BABAM2: variants seen among roughly 807,000 people sequenced by gnomAD.
The protein encoded by BABAM2 is BRISC and BRCA1 A complex member 2, also known as BRISC and BRCA1-A complex member 2.
Under a neutral mutation model 54.7 loss-of-function variants are expected in BABAM2, and 31 were observed. The ratio of observed to expected loss-of-function variants is 0.57; its 90% CI spans 0.43 to 0.77. The LOEUF is 0.77. Ranked by LOEUF, BABAM2 falls within the 30% of genes least tolerant of loss-of-function variation. The pLI is 0.00. For synonymous variants in BABAM2, 167 were observed against 162.9 expected (o/e 1.03, Z -0.19); for missense variants, 364 against 455.8 (o/e 0.80, Z 1.83).
chr2:28,268,579 A>C (rs559497693), intron 10 of BABAM2, among the ~76,000 whole-genome samples: 1 of 152,226 alleles, frequency 6.6e-6, no homozygotes, highest in Non-Finnish European at 1.5e-5. Context: ...GTAGTAATAA[A>C]GATAAGTCTT....
At chr2:28,149,122 G>A (rs1482418676) in intron 7 of BABAM2, among the ~76,000 whole-genome samples, 1 of 152,150 alleles carries the variant, frequency 6.6e-6, no homozygotes, top group African/African-American at 2.4e-5. Flanking sequence ...GAATGGAAAT[G>A]GTAACAGCAT....
intron 10 of BABAM2, among the ~76,000 whole-genome samples, chr2:28,273,414 G>T (rs2148169728): frequency 6.6e-6 from 1 of 152,258 alleles, no homozygotes; most frequent in African/African-American, 2.4e-5. Context: ...CTGAACTTGT[G>T]TGGTTTTAAT....
chr2:28,154,802 T>C (rs935243510), intron 7 of BABAM2, among the ~76,000 whole-genome samples: 1 of 152,200 alleles, frequency 6.6e-6, no homozygotes, highest in African/African-American at 2.4e-5. Flanking sequence ...TCAAAATGGC[T>C]CAGAAAATGT....
Position 27,929,851 on chromosome 2 carries a change from G to A in BABAM2, c.148G>A (p.Gly50Arg). The A allele has an allele frequency of 6.2e-7, 1 of 1,613,660 alleles. No homozygotes were observed. The highest frequency in any genetic ancestry group is 8.5e-7 in the Non-Finnish European group (1 of 1,179,752). The change falls in exon 3 of 12, where the codon GGG becomes AGG. Residue 50 changes from glycine to arginine, a missense_variant. Gly to Arg is a moderately radical substitution (Grantham distance 125). Coordinates refer to ENST00000379624, the MANE Select transcript of BABAM2 (RefSeq NM_199191.3). ...LKSGCTSLTPGPNCDRFKLHI... is the reference protein window; with the variant it reads ...LKSGCTSLTPRPNCDRFKLHI... ...TTAAAGCTGCACATCATTGACTCCT[G>A]GGCCCAACTGTGACCGATTTAAACT...
At chr2:28,102,154 G>C (rs1667138053) in intron 6 of BABAM2, among the ~76,000 whole-genome samples, 2 of 152,198 alleles carry the variant, frequency 1.3e-5, no homozygotes, top group Admixed American at 1.3e-4. Context: ...GTTGTTCCTA[G>C]AATAGTGCCT....
rs184919546 is a variant in BABAM2, at chr2:28,311,216, G to A, written c.1088+12725G>A. Among the ~76,000 whole-genome samples the A allele has an allele frequency of 3.5e-3, 523 of 149,810 alleles. 2 individuals are homozygous for A. The highest frequency in any genetic ancestry group is 0.012 in the African/African-American group (486 of 40,618). ...GCGGAGCTTGCAGTGAGCCGAGATC[G>A]CGCCACTGCACTCCAGCCTAGGCGA... On this transcript the variant is annotated intron_variant, in intron 11 of 11. Coordinates refer to ENST00000379624, the MANE Select transcript of BABAM2 (RefSeq NM_199191.3).
At chr2:28,308,409 A>T in intron 11 of BABAM2, 1 of 519,044 alleles carries the variant, frequency 1.9e-6, no homozygotes, top group South Asian at 1.4e-5. Flanking sequence ...CCAACCACTG[A>T]GTCAGCCATG....
intron 1 of BABAM2, among the ~76,000 whole-genome samples, chr2:27,891,902 A>T (rs1349979569): frequency 1.3e-5 from 2 of 152,156 alleles, no homozygotes; most frequent in African/African-American, 4.8e-5. Flanking sequence ...TTCTAGAGCA[A>T]GGCTGTTCCC....
chr2:28,192,395 C>A (rs61586483), intron 7 of BABAM2, among the ~76,000 whole-genome samples: 7 of 150,846 alleles, frequency 4.6e-5, no homozygotes, highest in Non-Finnish European at 7.4e-5. Flanking sequence ...TTTATACATA[C>A]GTAAAAAACC....
At chr2:28,268,278 C>G (rs1389965848) in intron 10 of BABAM2, among the ~76,000 whole-genome samples, 4 of 152,144 alleles carry the variant, frequency 2.6e-5, no homozygotes, top group African/African-American at 9.7e-5. Context: ...TGAGTCTAGC[C>G]TATCAAGACT....
At chr2:28,277,449 T>C (rs1265242198) in intron 10 of BABAM2, among the ~76,000 whole-genome samples, 1 of 152,214 alleles carries the variant, frequency 6.6e-6, no homozygotes, top group Non-Finnish European at 1.5e-5. Context: ...CCCTTGTAGT[T>C]TGCAGACACA....
chr2:28,066,871 A>G (rs1001863491), intron 6 of BABAM2, among the ~76,000 whole-genome samples: 3 of 152,210 alleles, frequency 2.0e-5, no homozygotes, highest in Non-Finnish European at 4.4e-5. Flanking sequence ...CATACTTAAG[A>G]TAAAGGGAAT....
intron 7 of BABAM2, among the ~76,000 whole-genome samples, chr2:28,175,591 G>A (rs923315524): frequency 1.3e-5 from 2 of 152,206 alleles, no homozygotes; most frequent in Admixed American, 6.5e-5. Flanking sequence ...CTGGGGATTG[G>A]ACCACCCAGC....
In BABAM2 at chr2:28,099,053, C is replaced by CA. The variant is rs995907727; in HGVS notation, c.571-30217dup. Reference sequence around the variant, plus strand: ...CTCAGAAACCCACATAAGCCTTTCTCATAGGAAGATAATACACTGATCTTA... The same window carrying CA: ...CTCAGAAACCCACATAAGCCTTTCTCAATAGGAAGATAATACACTGATCTTA... On this transcript the variant is annotated intron_variant, in intron 6 of 11. Transcript: ENST00000379624. 3.9e-5 allele frequency among the ~76,000 whole-genome samples: 6 copies of CA among 152,146 alleles called. 1 individual carries two copies. Among genetic ancestry groups the CA allele is most frequent in the Admixed American group, 3.9e-4 (6 of 15,264 alleles).
At chr2:28,269,587 AC>A (rs1685251948) in intron 10 of BABAM2, among the ~76,000 whole-genome samples, 1 of 152,096 alleles carries the variant, frequency 6.6e-6, no homozygotes, top group African/African-American at 2.4e-5. Flanking sequence ...CATACAGCAA[AC>A]CTTTTGTAAA....
intron 11 of BABAM2, among the ~76,000 whole-genome samples, chr2:28,319,934 T>C (rs772136312): frequency 4.6e-5 from 7 of 152,176 alleles, no homozygotes; most frequent in Non-Finnish European, 8.8e-5. Flanking sequence ...GGTTCCCCAC[T>C]GCGCAGTGTG....
chr2:28,060,774 A>C (rs1246582391), intron 6 of BABAM2, among the ~76,000 whole-genome samples: 1 of 152,206 alleles, frequency 6.6e-6, no homozygotes, highest in Non-Finnish European at 1.5e-5. Flanking sequence ...AATCTAAGAA[A>C]AGATATGAAA....
At chr2:28,313,257 T>C (rs1438331723) in intron 11 of BABAM2, among the ~76,000 whole-genome samples, 53 of 152,324 alleles carry the variant, frequency 3.5e-4, no homozygotes, top group Admixed American at 3.5e-3. Context: ...GCCAAACTTA[T>C]TACTAGCGTC....
At chr2:28,078,032 T>C (rs1423800632) in intron 6 of BABAM2, among the ~76,000 whole-genome samples, 1 of 152,052 alleles carries the variant, frequency 6.6e-6, no homozygotes, top group East Asian at 1.9e-4. Flanking sequence ...AAATGGAAAA[T>C]TCCAGAAATT....
Sources: gnomAD v4.1 joint callset for allele counts (sites outside exome capture counted in the v4.1 genomes callset) on GRCh38, gnomAD v4.1.1 for gene constraint, MANE v1.5 for transcripts, NCBI Gene and HGNC (gene_info 2026-07-23, HGNC 2026-07-21) for gene names.